The following ADAMTS3 variants were observed in gnomAD, a reference collection of about 807,000 sequenced individuals.
ADAMTS3 encodes the protein A disintegrin and metalloproteinase with thrombospondin motifs 3.
A neutral mutation model predicts 129.0 loss-of-function variants in ADAMTS3; 73 were observed. The ratio of observed to expected loss-of-function variants is 0.57; its 90% CI spans 0.47 to 0.69. The LOEUF (loss-of-function observed/expected upper bound fraction) is 0.69. Ranked by LOEUF, ADAMTS3 falls within the 30% of genes least tolerant of loss-of-function variation. The pLI, the probability that ADAMTS3 is intolerant of heterozygous loss-of-function variation, is 0.00. For missense variants in ADAMTS3, 1,457 were observed against 1,514.5 expected (o/e 0.96, Z 0.63); for synonymous variants, 477 against 510.8 (o/e 0.93, Z 0.89).
At chr4:72,384,287 A>G (rs1440089947) in intron 4 of ADAMTS3, among the ~76,000 whole-genome samples, 1 of 152,196 alleles carries the variant, frequency 6.6e-6, no homozygotes, top group Non-Finnish European at 1.5e-5. Context: ...ATCTGCTAGA[A>G]GACATATATT....
intron 13 of ADAMTS3, 200 bp downstream of exon 13, chr4:72,312,091 G>A (rs1719250057): frequency 5.8e-6 from 3 of 516,900 alleles, no homozygotes; most frequent in Non-Finnish European, 1.0e-5. Context: ...TGCTTGCCAG[G>A]AACTATTGCA....
chr4:72,553,445 G>C (rs932268855), intron 2 of ADAMTS3, among the ~76,000 whole-genome samples: 1 of 152,094 alleles, frequency 6.6e-6, no homozygotes, highest in African/African-American at 2.4e-5. Flanking sequence ...AAACTAAAAA[G>C]ACCCAGAAGT....
chr4:72,315,077 C>T (rs942646578), intron 11 of ADAMTS3, among the ~76,000 whole-genome samples: 3 of 152,298 alleles, frequency 2.0e-5, no homozygotes, highest in Middle Eastern at 3.4e-3. Context: ...GGGCATCCTT[C>T]CCTAAGGAAC....
intron 3 of ADAMTS3, among the ~76,000 whole-genome samples, chr4:72,416,202 T>A (rs1054031771): frequency 3.4e-5 from 5 of 148,136 alleles, no homozygotes; most frequent in Admixed American, 2.7e-4. Flanking sequence ...TATATGTATA[T>A]AAATAAATAA....
intron 3 of ADAMTS3, among the ~76,000 whole-genome samples, chr4:72,460,636 C>A (rs1718741423): frequency 6.6e-6 from 1 of 151,038 alleles, no homozygotes; most frequent in African/African-American, 2.4e-5. Context: ...AAAAGAAAAA[C>A]TAAAATAGGT....
At chr4:72,305,672 A>C (rs926507969) in intron 16 of ADAMTS3, among the ~76,000 whole-genome samples, 1 of 152,002 alleles carries the variant, frequency 6.6e-6, no homozygotes, top group Non-Finnish European at 1.5e-5. Flanking sequence ...ACCAAAAAAA[A>C]CCTACATAAC....
intron 12 of ADAMTS3, 44 bp from the exon 13 acceptor site, chr4:72,312,510 T>G (rs776372901): frequency 6.9e-6 from 11 of 1,595,112 alleles, no homozygotes; most frequent in Non-Finnish European, 6.8e-6. Flanking sequence ...GGCTTCTGTC[T>G]AGCAGTTGAA....
intron 21 of ADAMTS3, among the ~76,000 whole-genome samples, chr4:72,284,777 T>G (rs1718457351): frequency 1.3e-5 from 2 of 152,196 alleles, no homozygotes; most frequent in African/African-American, 4.8e-5. Context: ...TTTTTATTAC[T>G]TTAAAATTTT....
intron 3 of ADAMTS3, among the ~76,000 whole-genome samples, chr4:72,528,755 G>T (rs1720881582): frequency 6.6e-6 from 1 of 151,972 alleles, no homozygotes; most frequent in South Asian, 2.1e-4. Context: ...AAACATCAAA[G>T]AAAAGCCCTC....
chr4:72,450,887 G>T (rs1461138470), intron 3 of ADAMTS3, among the ~76,000 whole-genome samples: 1 of 150,416 alleles, frequency 6.6e-6, no homozygotes, highest in Non-Finnish European at 1.5e-5. Flanking sequence ...GGAATAAATG[G>T]GAGCAATAGA....
At chr4:72,561,160 GC>G (rs1721893880) in intron 2 of ADAMTS3, among the ~76,000 whole-genome samples, 1 of 152,078 alleles carries the variant, frequency 6.6e-6, no homozygotes, top group African/African-American at 2.4e-5. Context: ...GGACCAGCTG[GC>G]CAAGATGGTG....
At chr4:72,334,718 A>G (rs1719944936) in intron 5 of ADAMTS3, among the ~76,000 whole-genome samples, 1 of 152,174 alleles carries the variant, frequency 6.6e-6, no homozygotes, top group African/African-American at 2.4e-5. Context: ...TTTCCCAGTA[A>G]ATCAACCATG....
intron 3 of ADAMTS3, among the ~76,000 whole-genome samples, chr4:72,501,948 C>T (rs1720037303): frequency 2.6e-5 from 1 of 38,542 alleles, no homozygotes; most frequent in South Asian, 1.3e-3. Context: ...AACCTCGCAT[C>T]CCAGCAATGA....
chr4:72,338,313 T>A (rs1720041921), intron 5 of ADAMTS3, among the ~76,000 whole-genome samples: 1 of 152,144 alleles, frequency 6.6e-6, no homozygotes, highest in African/African-American at 2.4e-5. Flanking sequence ...CAAATGATGA[T>A]CCTCTGAACA....
intron 5 of ADAMTS3, among the ~76,000 whole-genome samples, chr4:72,335,109 A>G (rs1177232978): frequency 6.6e-6 from 1 of 152,158 alleles, no homozygotes; most frequent in African/African-American, 2.4e-5. Flanking sequence ...TAGATTATGG[A>G]GAATTAAGGT....
chr4:72,454,637 C>A (rs1413679562), intron 3 of ADAMTS3, among the ~76,000 whole-genome samples: 2 of 151,630 alleles, frequency 1.3e-5, no homozygotes, highest in East Asian at 3.9e-4. Context: ...TTGGCAATAT[C>A]TCATCTTAAT....
chr4:72,520,097 G>C (rs1354129230), intron 3 of ADAMTS3, among the ~76,000 whole-genome samples: 1 of 152,216 alleles, frequency 6.6e-6, no homozygotes, highest in African/African-American at 2.4e-5. Context: ...GTTTGCTAGA[G>C]GTCCACTTCA....
At chr4:72,482,089 T>C (rs931589242) in intron 3 of ADAMTS3, among the ~76,000 whole-genome samples, 1 of 152,164 alleles carries the variant, frequency 6.6e-6, no homozygotes, top group East Asian at 1.9e-4. Flanking sequence ...GCATTAACAG[T>C]TCGTCAACTT....
intron 3 of ADAMTS3, among the ~76,000 whole-genome samples, chr4:72,539,981 A>C (rs1437479430): frequency 6.6e-6 from 1 of 152,178 alleles, no homozygotes; most frequent in African/African-American, 2.4e-5. Context: ...TGGTACCAGT[A>C]GAATGAGGTG....
Sources: allele counts gnomAD v4.1 joint callset (sites outside exome capture counted in the v4.1 genomes callset), GRCh38; gene constraint gnomAD v4.1.1; transcripts MANE v1.5; gene names NCBI Gene and HGNC (gene_info 2026-07-23, HGNC 2026-07-21).